The following TREX2 variants were observed in gnomAD, a reference collection of about 807,000 sequenced individuals.
The protein encoded by TREX2 is three prime repair exonuclease 2, also known as 3'-5' exonuclease TREX2 long form.
For synonymous variants in TREX2, 121 were observed against 112.1 expected (o/e 1.08, Z -0.50); for missense variants, 242 against 235.3 (o/e 1.03, Z -0.19).
rs143051823 is a variant in TREX2 at position 153,444,855 on chromosome X, G to A, written c.576C>T (p.Gly192=). The stretch of plus-strand genomic sequence containing the variant: ...AGATCAGGAGCAGGGTGTGCACGTC[G>A]CCCTCGGCTGAGTGGGCTGCGCTTG... ...AEPSAAHSAE[G]DVHTLLLIFL... The change falls in exon 2 of 2, where the codon GGC becomes GGT. Residue 192 remains glycine, a synonymous_variant. Transcript: ENST00000370231. The A allele has an allele frequency of 1.7e-5, 21 of 1,202,231 alleles. No individual in the cohort carries two copies. The highest frequency in any genetic ancestry group is 6.7e-5 in the Admixed American group (3 of 44,961).
chrX:153,445,210 G>A lies in TREX2; in HGVS notation c.221C>T (p.Ala74Val). The change falls in exon 2 of 2, where the codon GCC (alanine) becomes GTC (valine). Residue 74 changes from alanine to valine, a missense_variant. Transcript: ENST00000370231. ...ACTGCTCAGGCCGGTGATCTCGCTGGCCTTGGCAGTGAAGGGGCGCTCCGG... is the reference window on the plus strand; with the variant it reads ...ACTGCTCAGGCCGGTGATCTCGCTGACCTTGGCAGTGAAGGGGCGCTCCGG... ...MCPERPFTAK[A>V]SEITGLSSEG... is the part of the protein sequence containing the mutation. 8.3e-7 allele frequency: 1 copy of A among 1,206,889 alleles called. No homozygotes were observed. The highest frequency in any genetic ancestry group is 1.1e-6 in the Non-Finnish European group (1 of 892,836).
chrX:153,445,067 A>C lies in TREX2; in HGVS notation c.364T>G (p.Tyr122Asp). Residue 122 changes from tyrosine to aspartate, a missense_variant, in exon 2 of 2, where the codon TAT (tyrosine) becomes GAT (aspartate). Physicochemically the swap from Tyr to Asp is radical, Grantham distance 160 (BLOSUM62 -3). Transcript: ENST00000370231. ...TCGGCACACAGCAGGGGGAAATCAT[A>C]ATCAAAGCCATTGTGGGCCACAAGG... is the stretch of plus-strand genomic sequence containing the variant. Reference protein sequence around the residue: ...ICLVAHNGFDYDFPLLCAELR... With the variant: ...ICLVAHNGFDDDFPLLCAELR... 2.6e-6 allele frequency: 3 copies of C among 1,172,462 alleles called. No individual in the cohort carries two copies. Among genetic ancestry groups the C allele is most frequent in the Non-Finnish European group, 3.4e-6 (3 of 875,593 alleles).
chrX:153,445,703 A>G (rs2089154536), intron 1 of TREX2: 1 of 495,878 alleles, frequency 2.0e-6, no homozygotes, highest in Admixed American at 2.8e-5. Context: ...CACAGTCCCC[A>G]GCAGGGATTG....
intron 1 of TREX2, among the ~76,000 whole-genome samples, 156 bp downstream of exon 1, chrX:153,445,853 C>T (rs1314212216): frequency 2.2e-4 from 25 of 112,707 alleles, no homozygotes; most frequent in African/African-American, 7.7e-4. Flanking sequence ...CAAGCAGCCA[C>T]CCGAAAGAGC....
rs35639416 is a variant in TREX2 at position 153,444,807 on chromosome X, C to A, written c.624G>T (p.Leu208=). 5,518 of 1,197,800 alleles carry A rather than the reference C, an allele frequency of 4.6e-3. 178 individuals carry two copies. In the African/African-American group the frequency reaches 0.085, roughly 18 times the overall value. ...LLIFLHRAAE[L]LAWADEQARG... The stretch of plus-strand genomic sequence containing the variant: ...GGGCCTGCTCATCGGCCCAGGCGAG[C>A]AGCTCTGCGGCGCGGTGCAGGAAGA... Residue 208 remains leucine (L), a synonymous_variant, in exon 2 of 2, where the codon CTG becomes CTT. Transcript: ENST00000370231.
Position 153,445,358 on chromosome X carries a change from G to A in TREX2, c.73C>T (p.Pro25Ser), listed in dbSNP as rs2089150007. Reference sequence around the variant, plus strand: ...AAGAGGGACAGCTCGGCAATCTCGGGCTCCACACTGGGGAGCCCAGTGGCT... The same window carrying A: ...AAGAGGGACAGCTCGGCAATCTCGGACTCCACACTGGGGAGCCCAGTGGCT... ...LEATGLPSVEPEIAELSLFAV... is the reference protein window; with the variant it reads ...LEATGLPSVESEIAELSLFAV... Residue 25 changes from proline (P) to serine (S), a missense_variant, in exon 2 of 2, where the codon CCC becomes TCC. Coordinates refer to ENST00000370231, the MANE Select transcript of TREX2 (RefSeq NM_080701.4). The A allele has an allele frequency of 8.4e-7, 1 of 1,195,600 alleles. No homozygotes were observed. Among genetic ancestry groups the A allele is most frequent in the Non-Finnish European group, 1.1e-6 (1 of 887,085 alleles).
Position 153,445,511 on chromosome X carries a change from C to T in TREX2, c.-65-16G>A, listed in dbSNP as rs1449296981. 1.1e-5 allele frequency: 10 copies of T among 941,433 alleles called. No individual in the cohort carries two copies. Among genetic ancestry groups the T allele is most frequent in the African/African-American group, 3.9e-5 (2 of 51,002 alleles). 77.6% of individuals were successfully genotyped at this position (941,433 alleles called of 1,213,427 possible). A position where few individuals can be genotyped will look rare whatever the true frequency, so the allele number is the denominator to read the frequency against. ...ACCCTGAGGACTGGAGAGAGGGGTT[C>T]GCCCGGGCCCTGCTGTGTACCATCC... is the stretch of plus-strand genomic sequence containing the variant. On this transcript the variant is annotated splice_polypyrimidine_tract_variant and intron_variant, in intron 1 of 1. Coordinates refer to ENST00000370231, the MANE Select transcript of TREX2 (RefSeq NM_080701.4).
At position 153,445,055 on chromosome X, in the gene TREX2, G is replaced by A. The variant is rs1005318359; in HGVS notation, c.376C>T (p.Leu126=). The change falls in exon 2 of 2, where the codon CTG becomes TTG. Residue 126 remains leucine (L), a synonymous_variant. Transcript: ENST00000370231. The part of the protein sequence containing the change: ...AHNGFDYDFP[L]LCAELRRLGA... ...AGGCGCCGCAGCTCGGCACACAGCA[G>A]GGGGAAATCATAATCAAAGCCATTG... 1.3e-5 allele frequency: 15 copies of A among 1,169,760 alleles called. No individual in the cohort carries two copies. The highest frequency in any genetic ancestry group is 1.7e-5 in the Non-Finnish European group (15 of 874,445).
chrX:153,445,278 T>C lies in TREX2; in HGVS notation c.153A>G (p.Leu51=), dbSNP rs1266764111. ...GCTTGTCCAGGACCCGGGGCAATAC[T>C]AGGGCACCAGACTCGTCGTGCTCCG... ...ENPEHDESGA[L]VLPRVLDKLT... Residue 51 remains leucine, a synonymous_variant, in exon 2 of 2, where the codon CTA becomes CTG. Transcript: ENST00000370231. 5.0e-6 allele frequency: 6 copies of C among 1,201,751 alleles called. No homozygotes were observed. Among genetic ancestry groups the C allele is most frequent in the Non-Finnish European group, 6.7e-6 (6 of 889,905 alleles).
chrX:153,444,648 G>A lies in TREX2; in HGVS notation c.*72C>T. 1 of 1,099,482 alleles carries A rather than the reference G, an allele frequency of 9.1e-7. No individual in the cohort carries two copies. Among genetic ancestry groups the A allele is most frequent in the Non-Finnish European group, 1.2e-6 (1 of 819,186 alleles). The allele number at this position is 1,099,482 out of a possible 1,213,427, so 90.6% of individuals were successfully genotyped here. On this transcript the variant is annotated 3_prime_UTR_variant, in exon 2 of 2. Coordinates refer to ENST00000370231, the MANE Select transcript of TREX2 (RefSeq NM_080701.4). ...ACCTGAGGCTGCCCAGATAGGAGGA[G>A]CCGGGGGTGGTAGAGGCCAGCTGAA...
In TREX2 at chrX:153,444,697, G is replaced by A. The variant is rs1328953708; in HGVS notation, c.*23C>T. ...AACGGTGGAGGCTGGCACTGTCCAT[G>A]GCACAGGAGGTGGCCCTGGTGCTCA... On this transcript the variant is annotated 3_prime_UTR_variant, in exon 2 of 2. Coordinates refer to ENST00000370231, the MANE Select transcript of TREX2 (RefSeq NM_080701.4). 1 of 1,169,366 alleles carries A rather than the reference G, an allele frequency of 8.6e-7. No homozygotes were observed. Among genetic ancestry groups the A allele is most frequent in the Non-Finnish European group, 1.1e-6 (1 of 873,915 alleles).
chrX:153,444,623 A>G lies in TREX2; in HGVS notation c.*97T>C. Reference sequence around the variant, plus strand: ...CAGGGAAGGCCTGGCAGGTGCACGGACCTGAGGCTGCCCAGATAGGAGGAG... The same window carrying G: ...CAGGGAAGGCCTGGCAGGTGCACGGGCCTGAGGCTGCCCAGATAGGAGGAG... On this transcript the variant is annotated 3_prime_UTR_variant, in exon 2 of 2. Transcript: ENST00000370231. 1 of 974,364 alleles carries G rather than the reference A, an allele frequency of 1.0e-6. No individual in the cohort carries two copies. 80.3% of individuals were successfully genotyped at this position (974,364 alleles called of 1,213,427 possible).
In TREX2 at chrX:153,445,424, C is replaced by T. The variant is rs1556979518; in HGVS notation, c.7G>A (p.Glu3Lys). ...ACAAAGGTCTCGGCCCGGGGTGCCT[C>T]GGACATGGTGATGTTCCCACGGGGA... MS[E>K]APRAETFVFL... The change falls in exon 2 of 2, where the codon GAG (glutamate) becomes AAG (lysine). Residue 3 changes from glutamate (E) to lysine (K), a missense_variant. Coordinates refer to ENST00000370231, the MANE Select transcript of TREX2 (RefSeq NM_080701.4). 5 of 1,127,604 alleles carry T rather than the reference C, an allele frequency of 4.4e-6. No homozygotes were observed. The highest frequency in any genetic ancestry group is 4.7e-6 in the Non-Finnish European group (4 of 853,576). 92.9% of individuals were successfully genotyped at this position (1,127,604 alleles called of 1,213,427 possible). A position where few individuals can be genotyped will look rare whatever the true frequency, so the allele number is the denominator to read the frequency against.
intron 1 of TREX2, 115 bp from the exon 2 acceptor site, chrX:153,445,610 G>T (rs782340657): frequency 1.9e-6 from 1 of 533,897 alleles, no homozygotes; most frequent in South Asian, 2.5e-5. Flanking sequence ...TGTGACCTTT[G>T]GCTCTGGGAG....
Position 153,445,436 on chromosome X carries a change from T to C in TREX2, c.-6A>G, listed in dbSNP as rs2089151528. 1.8e-6 allele frequency: 2 copies of C among 1,119,676 alleles called. No homozygotes were observed. The highest frequency in any genetic ancestry group is 1.2e-6 in the Non-Finnish European group (1 of 849,058). 92.3% of individuals were successfully genotyped at this position (1,119,676 alleles called of 1,213,427 possible). On this transcript the variant is annotated 5_prime_UTR_variant, in exon 2 of 2. Coordinates refer to ENST00000370231, the MANE Select transcript of TREX2 (RefSeq NM_080701.4). ...GCCCGGGGTGCCTCGGACATGGTGA[T>C]GTTCCCACGGGGATAGCAAGTCCTC...
intron 1 of TREX2, 58 bp from the exon 2 acceptor site, chrX:153,445,553 T>G (rs2089153121): frequency 1.4e-6 from 1 of 720,865 alleles, no homozygotes; most frequent in Admixed American, 2.7e-5. Context: ...TAGCCAAAGC[T>G]CTGACCCTTC....
In TREX2 at chrX:153,445,005, A is replaced by G. The variant is rs1173814112; in HGVS notation, c.426T>C (p.Thr142=). 3.4e-6 allele frequency: 4 copies of G among 1,174,062 alleles called. No individual in the cohort carries two copies. Among genetic ancestry groups the G allele is most frequent in the East Asian group, 3.1e-5 (1 of 32,075 alleles). Residue 142 remains threonine (T), a synonymous_variant, in exon 2 of 2, where the codon ACT becomes ACC. Transcript: ENST00000370231. Reference sequence around the variant, plus strand: ...GGGCCGGCAGCGTGTCCAGGCAGACAGTGTCCCGGGGCAGGCGGGCACCCA... The same window carrying G: ...GGGCCGGCAGCGTGTCCAGGCAGACGGTGTCCCGGGGCAGGCGGGCACCCA... The part of the protein sequence containing the change: ...RRLGARLPRD[T]VCLDTLPALR...
At chrX:153,445,832 C>T (rs782357566) in intron 1 of TREX2, among the ~76,000 whole-genome samples, 177 bp downstream of exon 1, 1 of 112,744 alleles carries the variant, frequency 8.9e-6, no homozygotes. Flanking sequence ...AACCAGCTGC[C>T]GGGAAGCAGG....
rs1556979198 is a variant in TREX2, at chrX:153,444,772, G to A, written c.659C>T (p.Ala220Val). The A allele has an allele frequency of 8.4e-7, 1 of 1,194,970 alleles. No homozygotes were observed. The highest frequency in any genetic ancestry group is 1.1e-6 in the Non-Finnish European group (1 of 888,375). ...AWADEQARGW[A>V]HIEPMYLPPD... Reference sequence around the variant, plus strand: ...CGGCAAGTACATGGGCTCGATGTGGGCCCACCCACGGGCCTGCTCATCGGC... The same window carrying A: ...CGGCAAGTACATGGGCTCGATGTGGACCCACCCACGGGCCTGCTCATCGGC... The change falls in exon 2 of 2, where the codon GCC (alanine) becomes GTC (valine). Residue 220 changes from alanine to valine, a missense_variant. Physicochemically the swap from Ala to Val is moderately conservative, Grantham distance 64. Transcript: ENST00000370231.
Sources: allele counts gnomAD v4.1 joint callset (sites outside exome capture counted in the v4.1 genomes callset), GRCh38; gene constraint gnomAD v4.1.1; transcripts MANE v1.5; gene names NCBI Gene and HGNC (gene_info 2026-07-23, HGNC 2026-07-21).